ANGPT1: variants seen among roughly 807,000 people sequenced by gnomAD.
The protein encoded by ANGPT1 is angiopoietin-1.
Under a neutral mutation model 62.2 loss-of-function variants are expected in ANGPT1, and 17 were observed. The ratio of observed to expected loss-of-function variants is 0.27; its 90% CI spans 0.19 to 0.41. The LOEUF is 0.41. Ranked by LOEUF, ANGPT1 falls within the 10% of genes least tolerant of loss-of-function variation. The pLI is 1.00. For missense variants in ANGPT1, 478 were observed against 594.9 expected, an observed-to-expected ratio of 0.80 and a Z score of 2.04; for synonymous variants, 199 against 198.9, an observed-to-expected ratio of 1.00 and a Z score of 0.00.
intron 1 of ANGPT1, among the ~76,000 whole-genome samples, chr8:107,441,035 A>G (rs528655372): frequency 6.7e-6 from 1 of 150,232 alleles, no homozygotes; most frequent in Non-Finnish European, 1.5e-5. Context: ...TATTTAGAAA[A>G]TCACTCAATC....
chr8:107,461,686 G>C (rs1307038764), intron 1 of ANGPT1, among the ~76,000 whole-genome samples: 1 of 152,024 alleles, frequency 6.6e-6, no homozygotes, highest in Non-Finnish European at 1.5e-5. Flanking sequence ...ATTCAGATAG[G>C]ATACATGCTG....
intron 1 of ANGPT1, among the ~76,000 whole-genome samples, chr8:107,394,617 C>A (rs1371477402): frequency 6.6e-6 from 1 of 152,084 alleles, no homozygotes; most frequent in Non-Finnish European, 1.5e-5. Flanking sequence ...TGTAGGCTAT[C>A]TGGAGGTAAC....
intron 1 of ANGPT1, among the ~76,000 whole-genome samples, chr8:107,462,398 C>CAA (rs1238185117): frequency 2.8e-4 from 35 of 124,934 alleles, no homozygotes; most frequent in South Asian, 1.8e-3. Context: ...TTCAGCCATG[C>CAA]AAAAAAAAAA....
chr8:107,262,834 G>C (rs1813524386), intron 8 of ANGPT1, among the ~76,000 whole-genome samples: 1 of 152,166 alleles, frequency 6.6e-6, no homozygotes, highest in South Asian at 2.1e-4. Context: ...ACATTCTTGA[G>C]TGATATCATT....
At chr8:107,272,183 T>C (rs1813751514) in intron 7 of ANGPT1, among the ~76,000 whole-genome samples, 1 of 152,020 alleles carries the variant, frequency 6.6e-6, no homozygotes, top group Admixed American at 6.6e-5. Flanking sequence ...TAATGGAAGA[T>C]GTACACAAAA....
intron 1 of ANGPT1, among the ~76,000 whole-genome samples, chr8:107,413,585 T>C (rs1180617848): frequency 6.7e-6 from 1 of 150,218 alleles, no homozygotes; most frequent in African/African-American, 2.4e-5. Flanking sequence ...AAATATTTGG[T>C]ATTATTTAAA....
chr8:107,442,486 A>C (rs183274430), intron 1 of ANGPT1, among the ~76,000 whole-genome samples: 1 of 152,320 alleles, frequency 6.6e-6, no homozygotes, highest in East Asian at 1.9e-4. Flanking sequence ...CTTACTAGAT[A>C]ACAGATTTTT....
chr8:107,403,825 G>C (rs548146132), intron 1 of ANGPT1, among the ~76,000 whole-genome samples: 2 of 152,172 alleles, frequency 1.3e-5, no homozygotes, highest in Non-Finnish European at 2.9e-5. Context: ...TGAAAGCAGA[G>C]AGTTGAGTAG....
intron 1 of ANGPT1, among the ~76,000 whole-genome samples, chr8:107,404,632 T>C (rs945328433): frequency 3.9e-5 from 6 of 152,132 alleles, no homozygotes; most frequent in Non-Finnish European, 8.8e-5. Context: ...AGTACTTTGC[T>C]ATTATAAAAG....
intron 1 of ANGPT1, among the ~76,000 whole-genome samples, chr8:107,481,330 C>A (rs1042379690): frequency 6.6e-6 from 1 of 151,724 alleles, no homozygotes; most frequent in Admixed American, 6.6e-5. Flanking sequence ...GTCAAGAGAT[C>A]GAAACCATCC....
At position 107,497,561 on chromosome 8, in the gene ANGPT1, T is replaced by C; in HGVS notation, c.-3A>G. ...GCAAAGGAAAGGAAAACTGTCATTG[T>C]ACTGCCAGCACACTCCTTCCGTGCC... On this transcript the variant is annotated 5_prime_UTR_variant, in exon 1 of 9. Coordinates refer to ENST00000517746, the MANE Select transcript of ANGPT1 (RefSeq NM_001146.5). 6.2e-7 allele frequency: 1 copy of C among 1,612,824 alleles called. No homozygotes were observed. The highest frequency in any genetic ancestry group is 8.5e-7 in the Non-Finnish European group (1 of 1,179,206).
rs1222388860 is a variant in ANGPT1, at chr8:107,370,083, G to T, written c.298-22986C>A. On this transcript the variant is annotated intron_variant, in intron 1 of 8. Coordinates refer to ENST00000517746, the MANE Select transcript of ANGPT1 (RefSeq NM_001146.5). ...CCATGGGAAAGTCAAGGCTCAGAGA[G>T]CCATGATCATGCTATTGTGTTCCAG... is the stretch of plus-strand genomic sequence containing the variant. Among the ~76,000 whole-genome samples the T allele has an allele frequency of 2.0e-5, 3 of 150,910 alleles. No individual in the cohort carries two copies. In the South Asian group the frequency reaches 6.3e-4, roughly 32 times the overall value.
intron 1 of ANGPT1, among the ~76,000 whole-genome samples, chr8:107,437,331 T>G (rs923285446): frequency 5.3e-5 from 8 of 152,154 alleles, no homozygotes; most frequent in Non-Finnish European, 5.9e-5. Flanking sequence ...CTGACAAAAA[T>G]CCGTAGGTCT....
intron 1 of ANGPT1, among the ~76,000 whole-genome samples, chr8:107,429,106 G>A (rs148428122): frequency 6.6e-6 from 1 of 152,294 alleles, no homozygotes; most frequent in African/African-American, 2.4e-5. Context: ...ACGCTTAAGG[G>A]AATGGATAAC....
At position 107,251,718 on chromosome 8, in the gene ANGPT1, G is replaced by C. The variant is rs1055101974; in HGVS notation, c.*137C>G. On this transcript the variant is annotated 3_prime_UTR_variant, in exon 9 of 9. Coordinates refer to ENST00000517746, the MANE Select transcript of ANGPT1 (RefSeq NM_001146.5). ...CTCCAGATTCACGGTCAAGAACCTT[G>C]GTGACTTCACATAACTACCACTTAT... 1 of 1,090,982 alleles carries C rather than the reference G, an allele frequency of 9.2e-7. No individual in the cohort carries two copies. The highest frequency in any genetic ancestry group is 2.9e-4 in the Middle Eastern group (1 of 3,456). The allele number at this position is 1,090,982 out of a possible 1,614,324, so 67.6% of individuals were successfully genotyped here. A position where few individuals can be genotyped will look rare whatever the true frequency, so the allele number is the denominator to read the frequency against.
At chr8:107,357,701 A>G (rs1226169593) in intron 1 of ANGPT1, among the ~76,000 whole-genome samples, 1 of 152,166 alleles carries the variant, frequency 6.6e-6, no homozygotes, top group Non-Finnish European at 1.5e-5. Flanking sequence ...ACATTACAGG[A>G]CAGATCATGA....
chr8:107,361,702 T>A (rs1364350797), intron 1 of ANGPT1, among the ~76,000 whole-genome samples: 1 of 150,992 alleles, frequency 6.6e-6, no homozygotes, highest in Admixed American at 6.6e-5. Flanking sequence ...ACAGTTCATG[T>A]TTCCCCTTGA....
intron 1 of ANGPT1, among the ~76,000 whole-genome samples, chr8:107,476,587 T>TAATAAATAAATA (rs201326087): frequency 6.6e-6 from 1 of 151,702 alleles, no homozygotes; most frequent in Non-Finnish European, 1.5e-5. Context: ...TAAAGTATAA[T>TAATAAATAAATA]AATAAATAAA....
At chr8:107,452,782 G>A (rs1327941276) in intron 1 of ANGPT1, among the ~76,000 whole-genome samples, 2 of 151,908 alleles carry the variant, frequency 1.3e-5, no homozygotes, top group Non-Finnish European at 2.9e-5. Flanking sequence ...ATTTTTATTT[G>A]CCAGGTGTTT....
Sources: gnomAD v4.1 joint callset for allele counts (sites outside exome capture counted in the v4.1 genomes callset) on GRCh38, gnomAD v4.1.1 for gene constraint, MANE v1.5 for transcripts, NCBI Gene and HGNC (gene_info 2026-07-23, HGNC 2026-07-21) for gene names.